The following CTNNA3 variants were observed in gnomAD, a reference collection of about 807,000 sequenced individuals.
CTNNA3 encodes the protein catenin alpha-3.
In CTNNA3, 76 loss-of-function variants were observed where a neutral mutation model predicts 95.7. That is an observed-to-expected ratio of 0.79 (90% CI 0.66 to 0.96). CTNNA3 has a LOEUF of 0.96. Ranked by LOEUF, CTNNA3 falls within the 40% of genes least tolerant of loss-of-function variation. The pLI, the probability that CTNNA3 is intolerant of heterozygous loss-of-function variation, is 0.00. For synonymous variants in CTNNA3, 431 were observed against 374.4 expected (o/e 1.15, Z -1.74); for missense variants, 1,191 against 1,089.8 (o/e 1.09, Z -1.31).
intron 15 of CTNNA3, among the ~76,000 whole-genome samples, chr10:66,065,136 C>A (rs2080286568): frequency 6.6e-6 from 1 of 152,008 alleles, no homozygotes; most frequent in Non-Finnish European, 1.5e-5. Flanking sequence ...AGTCTTTACC[C>A]TGGGTGGCCA....
At chr10:67,080,925 CAAAAA>C (rs367705560) in intron 7 of CTNNA3, among the ~76,000 whole-genome samples, 74,583 of 140,798 alleles carry the variant, frequency 0.53, 20,235 homozygotes, top group African/African-American at 0.69. Flanking sequence ...AACAAAAAAA[CAAAAA>C]AACAACAAAA....
At chr10:67,398,981 T>A (rs1840035023) in intron 5 of CTNNA3, among the ~76,000 whole-genome samples, 2 of 152,162 alleles carry the variant, frequency 1.3e-5, no homozygotes, top group Admixed American at 1.3e-4. Flanking sequence ...CAGTCTCAGA[T>A]ATGTCTTTAT....
At chr10:66,446,879 C>A (rs1326100336) in intron 11 of CTNNA3, among the ~76,000 whole-genome samples, 1 of 151,952 alleles carries the variant, frequency 6.6e-6, no homozygotes, top group East Asian at 1.9e-4. Context: ...AAGAGGAAGT[C>A]AAATTGTCCC....
At chr10:66,826,532 T>A (rs754988911) in intron 7 of CTNNA3, among the ~76,000 whole-genome samples, 14 of 152,220 alleles carry the variant, frequency 9.2e-5, no homozygotes, top group Non-Finnish European at 1.5e-4. Context: ...ACACATTTAT[T>A]TATTATAATT....
At chr10:66,735,542 T>C (rs1057097159) in intron 9 of CTNNA3, among the ~76,000 whole-genome samples, 32 of 152,026 alleles carry the variant, frequency 2.1e-4, no homozygotes, top group Non-Finnish European at 4.1e-4. Context: ...ATTTCCATTT[T>C]AATTTATAAC....
chr10:67,512,750 G>A lies in CTNNA3; in HGVS notation c.579+9092C>T, dbSNP rs1352919378. 4.0e-5 allele frequency among the ~76,000 whole-genome samples: 6 copies of A among 151,644 alleles called. No individual in the cohort carries two copies. In the East Asian group the frequency reaches 1.2e-3, roughly 29 times the overall value. On this transcript the variant is annotated intron_variant, in intron 5 of 17. Transcript: ENST00000433211. ...ACCTGTAATTCCAGCACTTTGGGAG[G>A]CCGAGGCAGGCAGATCACAAGGTCA...
At chr10:66,233,980 T>G (rs1189767665) in intron 13 of CTNNA3, among the ~76,000 whole-genome samples, 1 of 152,148 alleles carries the variant, frequency 6.6e-6, no homozygotes, top group Non-Finnish European at 1.5e-5. Context: ...TTGAATAAAA[T>G]AAACCTGTTG....
chr10:67,338,317 T>C (rs992692488), intron 5 of CTNNA3, among the ~76,000 whole-genome samples: 1 of 151,936 alleles, frequency 6.6e-6, no homozygotes, highest in Non-Finnish European at 1.5e-5. Flanking sequence ...CCATATACTT[T>C]TAAACAATCA....
chr10:67,535,374 G>A (rs773481593), intron 4 of CTNNA3, among the ~76,000 whole-genome samples: 37 of 152,052 alleles, frequency 2.4e-4, no homozygotes, highest in Non-Finnish European at 4.1e-4. Flanking sequence ...AGACAAAATC[G>A]AGAGTCAAAG....
chr10:66,918,638 A>C (rs1846619260), intron 7 of CTNNA3, among the ~76,000 whole-genome samples: 1 of 152,260 alleles, frequency 6.6e-6, no homozygotes, highest in Non-Finnish European at 1.5e-5. Flanking sequence ...GCATTACAAA[A>C]TGAAAGAGAC....
chr10:66,579,087 T>G (rs1437253395), intron 10 of CTNNA3, among the ~76,000 whole-genome samples: 1 of 151,710 alleles, frequency 6.6e-6, no homozygotes, highest in East Asian at 1.9e-4. Flanking sequence ...TCCAGGAATT[T>G]ATCAATTTCT....
chr10:67,444,031 G>A (rs957791820), intron 5 of CTNNA3, among the ~76,000 whole-genome samples: 11 of 152,052 alleles, frequency 7.2e-5, no homozygotes, highest in Admixed American at 2.0e-4. Context: ...TATTTAATCT[G>A]TGCTATAGAA....
chr10:66,633,792 T>C (rs145842394), intron 9 of CTNNA3, among the ~76,000 whole-genome samples: 14 of 152,292 alleles, frequency 9.2e-5, no homozygotes, highest in African/African-American at 3.1e-4. Context: ...AGGATTACTA[T>C]TGCTATGAAG....
At chr10:67,225,736 C>G (rs12570356) in intron 5 of CTNNA3, among the ~76,000 whole-genome samples, 3 of 151,960 alleles carry the variant, frequency 2.0e-5, no homozygotes, top group Admixed American at 6.6e-5. Flanking sequence ...GCCTTCAGCC[C>G]TAGACCTTCC....
intron 10 of CTNNA3, among the ~76,000 whole-genome samples, chr10:66,580,638 A>C (rs1231504186): frequency 6.6e-6 from 1 of 151,630 alleles, no homozygotes; most frequent in Non-Finnish European, 1.5e-5. Flanking sequence ...TGAGATGGAG[A>C]CATTTTGGTT....
At chr10:67,495,696 C>A (rs1162910246) in intron 5 of CTNNA3, among the ~76,000 whole-genome samples, 1 of 152,196 alleles carries the variant, frequency 6.6e-6, no homozygotes, top group Non-Finnish European at 1.5e-5. Context: ...TATTGTCTCT[C>A]ATTCCAAAAT....
intron 5 of CTNNA3, among the ~76,000 whole-genome samples, chr10:67,373,666 A>G (rs971551644): frequency 5.3e-5 from 8 of 152,228 alleles, no homozygotes; most frequent in Non-Finnish European, 1.2e-4. Context: ...GTTAAGTGAA[A>G]AAAAGCAAGC....
chr10:66,768,688 AG>A (rs1839963541), intron 8 of CTNNA3, among the ~76,000 whole-genome samples: 1 of 152,162 alleles, frequency 6.6e-6, no homozygotes, highest in Non-Finnish European at 1.5e-5. Flanking sequence ...GGAAATGTTA[AG>A]ATGGAAATTC....
chr10:66,690,544 C>T (rs1847485622), intron 9 of CTNNA3, among the ~76,000 whole-genome samples: 1 of 149,896 alleles, frequency 6.7e-6, no homozygotes. Flanking sequence ...TCTCATCGTT[C>T]AATTCCCACC....
Sources: gnomAD v4.1 joint callset for allele counts (sites outside exome capture counted in the v4.1 genomes callset) on GRCh38, gnomAD v4.1.1 for gene constraint, MANE v1.5 for transcripts, NCBI Gene and HGNC (gene_info 2026-07-23, HGNC 2026-07-21) for gene names.